CDKL5: variants seen among roughly 807,000 people sequenced by gnomAD.
CDKL5 encodes the protein cyclin dependent kinase like 5.
A neutral mutation model predicts 61.7 loss-of-function variants in CDKL5; 8 were observed. The ratio of observed to expected loss-of-function variants is 0.13; its 90% CI spans 0.08 to 0.23. CDKL5 has a LOEUF of 0.23. Ranked by LOEUF, CDKL5 falls within the 10% of genes least tolerant of loss-of-function variation. CDKL5 has a pLI of 1.00. For missense variants in CDKL5, 440 were observed against 734.5 expected, an observed-to-expected ratio of 0.60 and a Z score of 4.63; for synonymous variants, 275 against 272.3, an observed-to-expected ratio of 1.01 and a Z score of -0.10.
chrX:18,465,697 C>T (rs1303155411), intron 1 of CDKL5, among the ~76,000 whole-genome samples: 1 of 111,174 alleles, frequency 9.0e-6, no homozygotes, highest in African/African-American at 3.3e-5. Context: ...ATAAAATCAG[C>T]CTGTAAATTT....
intron 1 of CDKL5, among the ~76,000 whole-genome samples, chrX:18,459,387 G>A (rs1306797144): frequency 9.2e-6 from 1 of 109,189 alleles, no homozygotes; most frequent in Admixed American, 9.9e-5. Context: ...GCAAAACCCC[G>A]TCTCTACTAA....
intron 15 of CDKL5, among the ~76,000 whole-genome samples, chrX:18,614,574 G>C (rs139045551): frequency 8.9e-6 from 1 of 112,228 alleles, no homozygotes; most frequent in South Asian, 3.7e-4. Flanking sequence ...GCCTGGCTCC[G>C]TAAGCATTCA....
intron 5 of CDKL5, 32 bp downstream of exon 5, chrX:18,575,522 C>T (rs756256501): frequency 7.7e-6 from 9 of 1,173,969 alleles, no homozygotes; most frequent in Middle Eastern, 2.3e-4. Context: ...TGCACATTTG[C>T]CCGATTCTTT....
At position 18,639,375 on chromosome X, in the gene CDKL5, A is replaced by G. The variant is rs1163019683; in HGVS notation, c.*10618A>G. ...AGAGGATCTGAAAAACCTTTATCCA[A>G]AGATGTACAAATGGCCAGTAAACAC... On this transcript the variant is annotated 3_prime_UTR_variant, in exon 18 of 18. Transcript: ENST00000623535. Among the ~76,000 whole-genome samples the G allele has an allele frequency of 1.8e-5, 2 of 112,527 alleles. No individual in the cohort carries two copies. Among genetic ancestry groups the G allele is most frequent in the East Asian group, 5.6e-4 (2 of 3,583 alleles).
chrX:18,431,617 G>A (rs1219898897), intron 1 of CDKL5, among the ~76,000 whole-genome samples: 2 of 106,128 alleles, frequency 1.9e-5, no homozygotes, highest in South Asian at 4.2e-4. Context: ...TAGTAGAGAC[G>A]GGTTTCACCA....
At chrX:18,646,016 G>A (rs1483837426) in exon 20 of CDKL5, 5 of 1,212,062 alleles carry the variant, frequency 4.1e-6, no homozygotes, top group Admixed American at 2.2e-5. Context: ...GACGGTGGAT[G>A]TGATGGCAGA....
chrX:18,625,160 G>A lies in CDKL5; in HGVS notation c.2409G>A (p.Thr803=), dbSNP rs145401225. The change falls in exon 17 of 18, where the codon ACG becomes ACA. Residue 803 remains threonine, a synonymous_variant. Transcript: ENST00000623535. ...ATTCCGACAGCCCTGATCTTCTGAC[G>A]TTGCAGAAATCCATTCATTCTGCTA... ...VPNSDSPDLL[T]LQKSIHSAST... The A allele has an allele frequency of 1.6e-4, 198 of 1,203,593 alleles. No homozygotes were observed. The African/African-American group carries it at 3.1e-3, about 19-fold the overall frequency.
At chrX:18,616,579 T>C (rs1926721265) in intron 15 of CDKL5, among the ~76,000 whole-genome samples, 1 of 108,003 alleles carries the variant, frequency 9.3e-6, no homozygotes, top group African/African-American at 3.4e-5. Context: ...GAGCCGACAT[T>C]ACGCCATTGC....
At chrX:18,533,679 C>A (rs1417191797) in intron 3 of CDKL5, among the ~76,000 whole-genome samples, 2 of 111,611 alleles carry the variant, frequency 1.8e-5, no homozygotes, top group East Asian at 2.8e-4. Flanking sequence ...GATCTTACTA[C>A]TTCATGCTAT....
At chrX:18,553,408 A>T (rs747401259) in intron 3 of CDKL5, among the ~76,000 whole-genome samples, 1 of 110,346 alleles carries the variant, frequency 9.1e-6, no homozygotes, top group East Asian at 2.9e-4. Context: ...GAGAAAACAG[A>T]GTTGTTGTGT....
chrX:18,589,540 T>C (rs1375008798), intron 9 of CDKL5: 1 of 111,916 alleles, frequency 8.9e-6, no homozygotes, highest in Non-Finnish European at 1.9e-5. Flanking sequence ...CAGTCTATCA[T>C]TGATGGACAT....
At chrX:18,472,000 G>T (rs958066448) in intron 1 of CDKL5, among the ~76,000 whole-genome samples, 6 of 111,838 alleles carry the variant, frequency 5.4e-5, no homozygotes, top group Non-Finnish European at 1.1e-4. Flanking sequence ...TTTGGCCTCC[G>T]AAAGTTCTGG....
rs202243682 is a variant in CDKL5, at chrX:18,561,435, TA to T, written c.100-3028del. Among the ~76,000 whole-genome samples, 883 of 96,289 alleles carry T rather than the reference TA, an allele frequency of 9.2e-3. 2 individuals are homozygous for T. The highest frequency in any genetic ancestry group is 0.049 in the Middle Eastern group (9 of 183). The allele number at this position is 96,289 out of a possible 115,157, so 83.6% of individuals were successfully genotyped here. ...TAAACAGTGAAGGAAACTGAATATG[TA>T]AAAAAAAAAAAAATTATAGCTCATG... On this transcript the variant is annotated intron_variant, in intron 3 of 17. Transcript: ENST00000623535.
At position 18,628,713 on chromosome X, in the gene CDKL5, T is replaced by A. The variant is rs770458371; in HGVS notation, c.2839T>A (p.Ser947Thr). Residue 947 changes from serine (S) to threonine (T), a missense_variant, in exon 18 of 18, where the codon TCA becomes ACA. By Grantham distance (58) the Ser-to-Thr change is moderately conservative. Coordinates refer to ENST00000623535, the MANE Select transcript of CDKL5 (RefSeq NM_001323289.2). ...GCACCCCTATAACAGAACAAATCGC[T>A]CACGAATGCCAAATCTGAATGATTT... is the stretch of plus-strand genomic sequence containing the variant. ...NGHPYNRTNRSRMPNLNDLKE... is the reference protein window; with the variant it reads ...NGHPYNRTNRTRMPNLNDLKE... 11 of 1,092,151 alleles carry A rather than the reference T, an allele frequency of 1.0e-5. No individual in the cohort carries two copies. The South Asian group carries it at 2.1e-4, about 21-fold the overall frequency. 90.0% of individuals were successfully genotyped at this position (1,092,151 alleles called of 1,213,427 possible).
chrX:18,618,996 C>T, intron 15 of CDKL5, among the ~76,000 whole-genome samples: 1 of 110,696 alleles, frequency 9.0e-6, no homozygotes, highest in Non-Finnish European at 1.9e-5. Context: ...AATAAAGACT[C>T]TTAAGTTTTC....
At chrX:18,552,704 A>C (rs1924441830) in intron 3 of CDKL5, among the ~76,000 whole-genome samples, 2 of 111,388 alleles carry the variant, frequency 1.8e-5, no homozygotes, top group African/African-American at 6.5e-5. Flanking sequence ...CCTCTGAGGA[A>C]GTGAGGATTG....
At chrX:18,562,846 T>C (rs144141977) in intron 3 of CDKL5, among the ~76,000 whole-genome samples, 21 of 112,105 alleles carry the variant, frequency 1.9e-4, no homozygotes, top group African/African-American at 6.5e-4. Flanking sequence ...ATACACATTT[T>C]ATTTGACCCC....
At chrX:18,540,444 T>G (rs904545002) in intron 3 of CDKL5, among the ~76,000 whole-genome samples, 5 of 112,042 alleles carry the variant, frequency 4.5e-5, no homozygotes, top group Non-Finnish European at 7.5e-5. Flanking sequence ...CCCAAAGTGC[T>G]GGGATTACAG....
chrX:18,536,000 C>T (rs1310526276), intron 3 of CDKL5: 1 of 112,195 alleles, frequency 8.9e-6, no homozygotes, highest in African/African-American at 3.2e-5. Flanking sequence ...AGTACCCCCT[C>T]TGACTCCCAG....
Sources: allele counts gnomAD v4.1 joint callset (sites outside exome capture counted in the v4.1 genomes callset), GRCh38; gene constraint gnomAD v4.1.1; transcripts MANE v1.5; gene names NCBI Gene and HGNC (gene_info 2026-07-23, HGNC 2026-07-21).